The following LHFPL2 variants were observed in gnomAD, a reference collection of about 807,000 sequenced individuals.
LHFPL2 encodes LHFPL tetraspan subfamily member 2.
In LHFPL2, 7 loss-of-function variants were observed where a neutral mutation model predicts 17.5. That is an observed-to-expected ratio of 0.40 (90% CI 0.23 to 0.75). The LOEUF is 0.75. LHFPL2 is among the 30% of genes least tolerant of loss of function. The pLI is 0.37. For synonymous variants in LHFPL2, 134 were observed against 116.2 expected (o/e 1.15, Z -0.99); for missense variants, 241 against 294.8 (o/e 0.82, Z 1.34).
At chr5:78,644,172 T>C (rs979397972) in intron 1 of LHFPL2, 205 of 560,968 alleles carry the variant, frequency 3.7e-4, no homozygotes, top group Middle Eastern at 1.9e-3. Flanking sequence ...AATTGTTACA[T>C]AGTCTTCCAT....
chr5:78,533,975 G>C (rs1301099874), intron 3 of LHFPL2, among the ~76,000 whole-genome samples: 3 of 152,212 alleles, frequency 2.0e-5, no homozygotes, highest in Non-Finnish European at 4.4e-5. Context: ...ATGCTCCAGG[G>C]AGGAGCTTCG....
chr5:78,615,294 G>T (rs1744561372), intron 2 of LHFPL2, among the ~76,000 whole-genome samples: 1 of 152,026 alleles, frequency 6.6e-6, no homozygotes, highest in Non-Finnish European at 1.5e-5. Flanking sequence ...TCAAAAGGCA[G>T]CAAGAAAATT....
At chr5:78,563,525 G>A (rs529864559) in intron 3 of LHFPL2, among the ~76,000 whole-genome samples, 193 of 151,756 alleles carry the variant, frequency 1.3e-3, no homozygotes, top group Middle Eastern at 3.4e-3. Context: ...GTGAAACCCC[G>A]TCTCTACTAA....
Position 78,519,030 on chromosome 5 carries a change from A to G in LHFPL2, c.-185-8632T>C, listed in dbSNP as rs376321830. ...GCTCACCTGTATGGGCTGCTAAGCAACGTGGACAGGGGAAGTCTGTCCCAT... is the reference window on the plus strand; with the variant it reads ...GCTCACCTGTATGGGCTGCTAAGCAGCGTGGACAGGGGAAGTCTGTCCCAT... On this transcript the variant is annotated intron_variant, in intron 3 of 4. Transcript: ENST00000380345. Among the ~76,000 whole-genome samples, 582 of 139,332 alleles carry G rather than the reference A, an allele frequency of 4.2e-3. 7 individuals are homozygous for G. The highest frequency in any genetic ancestry group is 0.016 in the African/African-American group (561 of 36,062). The allele number at this position is 139,332 out of a possible 152,430, so 91.4% of individuals were successfully genotyped here. A position where few individuals can be genotyped will look rare whatever the true frequency, so the allele number is the denominator to read the frequency against.
intron 3 of LHFPL2, among the ~76,000 whole-genome samples, chr5:78,516,635 C>A (rs1755300416): frequency 6.6e-6 from 1 of 152,164 alleles, no homozygotes; most frequent in Non-Finnish European, 1.5e-5. Context: ...TTTAAAAGGT[C>A]TATTCTGATG....
intron 3 of LHFPL2, among the ~76,000 whole-genome samples, chr5:78,542,276 G>A (rs1224746539): frequency 6.6e-6 from 1 of 152,174 alleles, no homozygotes; most frequent in Non-Finnish European, 1.5e-5. Flanking sequence ...TCCAGTTTCT[G>A]AATGGGAAAT....
intron 2 of LHFPL2, among the ~76,000 whole-genome samples, chr5:78,583,712 A>C (rs1171515563): frequency 6.6e-6 from 1 of 151,718 alleles, no homozygotes; most frequent in Admixed American, 6.6e-5. Context: ...GGCTGCCCTT[A>C]ACATTTTTTC....
At chr5:78,633,618 C>T (rs1015093647) in intron 1 of LHFPL2, among the ~76,000 whole-genome samples, 4 of 152,220 alleles carry the variant, frequency 2.6e-5, no homozygotes, top group African/African-American at 7.2e-5. Flanking sequence ...TGCTCAAGGC[C>T]TCACACTCCA....
intron 2 of LHFPL2, among the ~76,000 whole-genome samples, chr5:78,607,249 AT>A (rs1237634107): frequency 6.6e-6 from 1 of 151,782 alleles, no homozygotes; most frequent in East Asian, 2.0e-4. Flanking sequence ...AGTAGCTGGG[AT>A]TACAGGCACC....
chr5:78,538,353 T>C (rs997109338), intron 3 of LHFPL2, among the ~76,000 whole-genome samples: 2 of 152,148 alleles, frequency 1.3e-5, no homozygotes, highest in African/African-American at 2.4e-5. Flanking sequence ...TTTAAATTAA[T>C]AGCAAACATT....
intron 2 of LHFPL2, among the ~76,000 whole-genome samples, chr5:78,576,163 T>C (rs914593383): frequency 6.3e-4 from 94 of 148,526 alleles, no homozygotes; most frequent in East Asian, 2.3e-3. Flanking sequence ...GGCGTGGTGG[T>C]GGGTGCCTGT....
intron 3 of LHFPL2, among the ~76,000 whole-genome samples, chr5:78,533,872 T>C (rs1755859622): frequency 6.6e-6 from 1 of 152,216 alleles, no homozygotes; most frequent in African/African-American, 2.4e-5. Flanking sequence ...TTTTAAACCA[T>C]TGCTCTAAGA....
At chr5:78,503,071 G>A (rs933503990) in intron 4 of LHFPL2, among the ~76,000 whole-genome samples, 7 of 152,138 alleles carry the variant, frequency 4.6e-5, no homozygotes, top group African/African-American at 1.7e-4. Context: ...GCTCATAAAT[G>A]TGGCTGACCG....
chr5:78,553,616 A>C (rs546495641), intron 3 of LHFPL2, among the ~76,000 whole-genome samples: 1 of 152,320 alleles, frequency 6.6e-6, no homozygotes, highest in Non-Finnish European at 1.5e-5. Context: ...ATTCCGCATT[A>C]ATAAAATAGG....
chr5:78,557,995 A>C (rs930146315), intron 3 of LHFPL2, among the ~76,000 whole-genome samples: 5 of 152,246 alleles, frequency 3.3e-5, no homozygotes, highest in Admixed American at 1.3e-4. Flanking sequence ...ATCCAAGAGA[A>C]TAGAGATTAA....
intron 2 of LHFPL2, among the ~76,000 whole-genome samples, chr5:78,626,867 C>T (rs753991666): frequency 3.3e-5 from 5 of 151,690 alleles, no homozygotes; most frequent in Admixed American, 1.3e-4. Context: ...GATCACCCGA[C>T]GTCAGGAGTT....
chr5:78,576,922 T>C (rs1483113407), intron 2 of LHFPL2, among the ~76,000 whole-genome samples: 2 of 152,244 alleles, frequency 1.3e-5, no homozygotes. Context: ...GCCAGCAAAC[T>C]TGATCATTGG....
rs1422159876 is a variant in LHFPL2 at position 78,584,993 on chromosome 5, GTGT to G, written c.-244-20125_-244-20123del. Among the ~76,000 whole-genome samples the G allele has an allele frequency of 5.5e-4, 47 of 84,772 alleles. 8 individuals carry two copies. Among genetic ancestry groups the G allele is most frequent in the African/African-American group, 2.2e-3 (44 of 20,190 alleles). The allele number at this position is 84,772 out of a possible 152,430, so 55.6% of individuals were successfully genotyped here. A position where few individuals can be genotyped will look rare whatever the true frequency, so the allele number is the denominator to read the frequency against. On this transcript the variant is annotated intron_variant, in intron 2 of 4. Coordinates refer to ENST00000380345, the MANE Select transcript of LHFPL2 (RefSeq NM_005779.3). ...GCGGGATATAATCTCCTGGTGCGCT[GTGT>G]TTTTTTTTTTTTTTTTTTTTTTTTT...
At chr5:78,516,780 A>T (rs1755304953) in intron 3 of LHFPL2, among the ~76,000 whole-genome samples, 1 of 152,190 alleles carries the variant, frequency 6.6e-6, no homozygotes, top group Admixed American at 6.5e-5. Context: ...GGGGCCCCCG[A>T]AGCCAGGGCA....
Sources: gnomAD v4.1 joint callset for allele counts (sites outside exome capture counted in the v4.1 genomes callset) on GRCh38, gnomAD v4.1.1 for gene constraint, MANE v1.5 for transcripts, NCBI Gene and HGNC (gene_info 2026-07-23, HGNC 2026-07-21) for gene names.